CHM: variants seen among roughly 807,000 people sequenced by gnomAD.
The protein encoded by CHM is rab proteins geranylgeranyltransferase component A 1.
A neutral mutation model predicts 49.0 loss-of-function variants in CHM; 10 were observed. The observed-to-expected ratio is 0.20, with a 90% CI of 0.13 to 0.35. CHM has a LOEUF of 0.35. Ranked by LOEUF, CHM falls within the 10% of genes least tolerant of loss-of-function variation. CHM has a pLI of 1.00. For missense variants in CHM, 455 were observed against 478.4 expected, an observed-to-expected ratio of 0.95 and a Z score of 0.46; for synonymous variants, 184 against 167.5, an observed-to-expected ratio of 1.10 and a Z score of -0.76.
At position 86,006,367 on chromosome X, in the gene CHM, C is replaced by T. The variant is rs1238832903; in HGVS notation, c.116+21124G>A. On this transcript the variant is annotated intron_variant, in intron 2 of 14. Transcript: ENST00000357749. ...AAAACAGGCACAAGACAAAGATGCC[C>T]TCTCTCACCATGCCTATTCAACACA... is the stretch of plus-strand genomic sequence containing the variant. Among the ~76,000 whole-genome samples, 4 of 111,914 alleles carry T rather than the reference C, an allele frequency of 3.6e-5. No homozygotes were observed. In the East Asian group the frequency reaches 1.1e-3, roughly 31 times the overall value.
At chrX:85,910,297 T>C (rs1320401914) in intron 9 of CHM, among the ~76,000 whole-genome samples, 7 of 111,686 alleles carry the variant, frequency 6.3e-5, no homozygotes. Flanking sequence ...AAAATTTATA[T>C]TATTTAAGCT....
At chrX:85,981,640 T>C in intron 3 of CHM, 97 bp downstream of exon 3, 1 of 580,423 alleles carries the variant, frequency 1.7e-6, no homozygotes, top group Non-Finnish European at 2.8e-6. Context: ...GAATCAATCC[T>C]GTGTTACAGG....
chrX:85,913,257 A>G (rs1446043839), intron 8 of CHM, among the ~76,000 whole-genome samples: 1 of 92,208 alleles, frequency 1.1e-5, no homozygotes, highest in African/African-American at 4.0e-5. Flanking sequence ...CGGAGGTTGC[A>G]GTGAGCTGAG....
At chrX:85,985,403 T>G (rs888099917) in intron 2 of CHM, among the ~76,000 whole-genome samples, 1 of 112,219 alleles carries the variant, frequency 8.9e-6, no homozygotes, top group Non-Finnish European at 1.9e-5. Context: ...CAAAAGAGAT[T>G]TGAAACCTCC....
In CHM at chrX:85,963,855, C is replaced by T. The variant is rs779342653; in HGVS notation, c.512G>A (p.Gly171Asp). ...SDPENALEVN[G>D]AEVTGEKENH... ...TTCTTTTTCCCCTGTCACTTCAGCA[C>T]CATTTACTTCTAGCGCATTCTCTGG... The change falls in exon 5 of 15, where the codon GGT (glycine) becomes GAT (aspartate). Residue 171 changes from glycine to aspartate, a missense_variant. Transcript: ENST00000357749. The T allele has an allele frequency of 1.7e-6, 2 of 1,211,068 alleles. No individual in the cohort carries two copies. Among genetic ancestry groups the T allele is most frequent in the Non-Finnish European group, 2.2e-6 (2 of 895,270 alleles).
intron 4 of CHM, among the ~76,000 whole-genome samples, chrX:85,973,684 A>G (rs1248507279): frequency 1.8e-5 from 2 of 111,876 alleles, no homozygotes; most frequent in African/African-American, 6.5e-5. Flanking sequence ...ACCATGTGCA[A>G]GAACAATATA....
At chrX:86,026,042 C>T (rs1208260265) in intron 2 of CHM, among the ~76,000 whole-genome samples, 2 of 96,990 alleles carry the variant, frequency 2.1e-5, no homozygotes, top group African/African-American at 7.5e-5. Flanking sequence ...AAAAACATAT[C>T]TGAATTAATA....
chrX:85,943,867 A>G (rs1447528143), intron 8 of CHM, among the ~76,000 whole-genome samples: 1 of 111,748 alleles, frequency 8.9e-6, no homozygotes, highest in East Asian at 2.8e-4. Context: ...ACAATATAAA[A>G]GAGTTCTATC....
At chrX:85,998,136 T>A (rs1051576647) in intron 2 of CHM, among the ~76,000 whole-genome samples, 32 of 108,981 alleles carry the variant, frequency 2.9e-4, no homozygotes, top group African/African-American at 8.9e-4. Context: ...CAAATATTTA[T>A]TTGTAAAAAA....
chrX:85,978,696 T>C (rs1931423007), intron 4 of CHM, 71 bp downstream of exon 4: 3 of 1,057,980 alleles, frequency 2.8e-6, no homozygotes, highest in Non-Finnish European at 3.9e-6. Context: ...TAAATCTTTA[T>C]TGTTGGCTTC....
Position 85,945,249 on chromosome X carries a change from T to C in CHM, c.1166+10904A>G, listed in dbSNP as rs779045582. ...AAAGCCCCGTGATATAGTTTACATA[T>C]TTGTCCCTGTCGAAATCTCAAGTTG... On this transcript the variant is annotated intron_variant, in intron 8 of 14. Transcript: ENST00000357749. Among the ~76,000 whole-genome samples the C allele has an allele frequency of 1.9e-3, 205 of 109,860 alleles. 2 individuals are homozygous for C. Among genetic ancestry groups the C allele is most frequent in the Middle Eastern group, 4.7e-3 (1 of 215 alleles).
chrX:86,012,036 C>T (rs1318625527), intron 2 of CHM, among the ~76,000 whole-genome samples: 4 of 112,140 alleles, frequency 3.6e-5, no homozygotes, highest in African/African-American at 6.5e-5. Context: ...TTAGCCACTA[C>T]AATTGTGGTA....
intron 8 of CHM, among the ~76,000 whole-genome samples, chrX:85,928,544 A>C (rs1201004109): frequency 8.9e-6 from 1 of 112,223 alleles, no homozygotes; most frequent in African/African-American, 3.2e-5. Context: ...TCCGTTTCAA[A>C]AAAATAAATA....
chrX:85,964,158 T>G, intron 4 of CHM, 106 bp from the exon 5 acceptor site: 2 of 659,927 alleles, frequency 3.0e-6, no homozygotes, highest in Non-Finnish European at 4.5e-6. Context: ...ACATTAAACA[T>G]TCATCTGTTA....
At chrX:86,036,887 G>A (rs1934268705) in intron 1 of CHM, among the ~76,000 whole-genome samples, 2 of 110,995 alleles carry the variant, frequency 1.8e-5, no homozygotes, top group African/African-American at 6.6e-5. Context: ...GATAACTGTT[G>A]AAACTGGGAG....
chrX:86,012,771 T>C (rs1933133081), intron 2 of CHM, among the ~76,000 whole-genome samples: 1 of 111,187 alleles, frequency 9.0e-6, no homozygotes, highest in African/African-American at 3.3e-5. Flanking sequence ...AATAGAAATA[T>C]GTGAAAGAGG....
chrX:86,018,992 A>G lies in CHM; in HGVS notation c.116+8499T>C, dbSNP rs560029189. On this transcript the variant is annotated intron_variant, in intron 2 of 14. Coordinates refer to ENST00000357749, the MANE Select transcript of CHM (RefSeq NM_000390.4). Reference sequence around the variant, plus strand: ...TTTTTCTATACCAAATCTAACATACACATTATAAATACATATTTTTCTGTA... The same window carrying G: ...TTTTTCTATACCAAATCTAACATACGCATTATAAATACATATTTTTCTGTA... Among the ~76,000 whole-genome samples the G allele has an allele frequency of 1.0e-3, 112 of 111,868 alleles. 1 individual carries two copies. In the South Asian group the frequency reaches 0.041, roughly 41 times the overall value.
intron 2 of CHM, among the ~76,000 whole-genome samples, chrX:86,009,900 A>G (rs1313726316): frequency 9.0e-6 from 1 of 110,733 alleles, no homozygotes; most frequent in East Asian, 2.8e-4. Context: ...CTGGAACAGA[A>G]TAACATTTTT....
At chrX:86,008,560 CATTATTTA>C in intron 2 of CHM, among the ~76,000 whole-genome samples, 1 of 111,715 alleles carries the variant, frequency 9.0e-6, no homozygotes, top group East Asian at 2.8e-4. Context: ...AAATATGAAT[CATTATTTA>C]ATTATTCTCT....
Sources: allele counts gnomAD v4.1 joint callset (sites outside exome capture counted in the v4.1 genomes callset), GRCh38; gene constraint gnomAD v4.1.1; transcripts MANE v1.5; gene names NCBI Gene and HGNC (gene_info 2026-07-23, HGNC 2026-07-21).